MYO1D: variants seen among roughly 807,000 people sequenced by gnomAD.
MYO1D encodes the protein unconventional myosin-Id.
Under a neutral mutation model 122.0 loss-of-function variants are expected in MYO1D, and 83 were observed. The observed-to-expected ratio is 0.68, with a 90% CI of 0.57 to 0.82. MYO1D has a LOEUF of 0.82. MYO1D is among the 40% of genes least tolerant of loss of function. The pLI, the probability that MYO1D is intolerant of heterozygous loss-of-function variation, is 0.00. For missense variants in MYO1D, 1,157 were observed against 1,269.5 expected (o/e 0.91, Z 1.35); for synonymous variants, 464 against 446.9 (o/e 1.04, Z -0.48).
intron 6 of MYO1D, among the ~76,000 whole-genome samples, chr17:32,770,338 T>C (rs1230331597): frequency 1.3e-5 from 2 of 152,122 alleles, no homozygotes; most frequent in Non-Finnish European, 2.9e-5. Context: ...CAGTAAGTTT[T>C]TGATGTAGAA....
chr17:32,749,793 T>C (rs1396697805), intron 11 of MYO1D, among the ~76,000 whole-genome samples: 2 of 152,206 alleles, frequency 1.3e-5, no homozygotes, highest in African/African-American at 2.4e-5. Flanking sequence ...CCCTGACTGA[T>C]AGAGTTTCTT....
At chr17:32,571,181 G>A (rs1306319445) in intron 21 of MYO1D, among the ~76,000 whole-genome samples, 1 of 152,162 alleles carries the variant, frequency 6.6e-6, no homozygotes, top group Non-Finnish European at 1.5e-5. Context: ...GGGGCTTGCT[G>A]GGCTAAGAGG....
intron 21 of MYO1D, among the ~76,000 whole-genome samples, chr17:32,578,673 C>T (rs533399165): frequency 2.6e-5 from 4 of 152,324 alleles, no homozygotes; most frequent in South Asian, 2.1e-4. Flanking sequence ...AATGCTTTTA[C>T]AAAAGGTGCT....
At position 32,791,126 on chromosome 17, in the gene MYO1D, G is replaced by T. The variant is rs141203177; in HGVS notation, c.96-10342C>A. Among the ~76,000 whole-genome samples, 3 of 152,276 alleles carry T rather than the reference G, an allele frequency of 2.0e-5. No homozygotes were observed. In the East Asian group the frequency reaches 5.8e-4, roughly 29 times the overall value. ...CACCTGTAATCCCAGCACTTTGGGA[G>T]ACTGAGGTGGGTGGATCACCTGAAG... is the stretch of plus-strand genomic sequence containing the variant. On this transcript the variant is annotated intron_variant, in intron 1 of 21. Transcript: ENST00000318217.
intron 21 of MYO1D, among the ~76,000 whole-genome samples, chr17:32,565,238 A>T (rs2087161622): frequency 6.6e-6 from 1 of 152,202 alleles, no homozygotes; most frequent in Non-Finnish European, 1.5e-5. Flanking sequence ...TTCTGACCTC[A>T]GGTGATCCTC....
intron 16 of MYO1D, among the ~76,000 whole-genome samples, chr17:32,710,969 G>A (rs894168214): frequency 3.0e-4 from 45 of 152,188 alleles, no homozygotes; most frequent in African/African-American, 9.2e-4. Flanking sequence ...TGTTGGCGGT[G>A]CAAACTGGCT....
At chr17:32,553,089 A>AC (rs1302473257) in intron 21 of MYO1D, among the ~76,000 whole-genome samples, 4 of 133,950 alleles carry the variant, frequency 3.0e-5, no homozygotes, top group African/African-American at 3.3e-5. Context: ...AAAAAAAAAA[A>AC]ACAAAAAACA....
chr17:32,665,388 G>A (rs2088623309), intron 16 of MYO1D, among the ~76,000 whole-genome samples: 1 of 152,152 alleles, frequency 6.6e-6, no homozygotes, highest in Admixed American at 6.5e-5. Context: ...GCTCACTGAT[G>A]TATTTCCACT....
At chr17:32,547,658 C>T (rs1343740332) in intron 21 of MYO1D, among the ~76,000 whole-genome samples, 1 of 152,166 alleles carries the variant, frequency 6.6e-6, no homozygotes, top group Non-Finnish European at 1.5e-5. Context: ...AGAGAATTCA[C>T]TATAGTAGCT....
chr17:32,617,401 C>G (rs902702523), intron 20 of MYO1D, among the ~76,000 whole-genome samples: 1 of 152,112 alleles, frequency 6.6e-6, no homozygotes, highest in Admixed American at 6.5e-5. Context: ...CAGCTAAGGC[C>G]TCAGATACTG....
chr17:32,675,266 G>C (rs972988791), intron 16 of MYO1D, among the ~76,000 whole-genome samples: 3 of 152,164 alleles, frequency 2.0e-5, no homozygotes, highest in Non-Finnish European at 4.4e-5. Context: ...CACTGTTATA[G>C]AGAAAAACCT....
chr17:32,661,389 A>C (rs2088562549), intron 16 of MYO1D, among the ~76,000 whole-genome samples: 1 of 152,172 alleles, frequency 6.6e-6, no homozygotes, highest in African/African-American at 2.4e-5. Context: ...GTGGTGGCTC[A>C]TGCCTATAAT....
At chr17:32,504,305 G>A (rs1392999512) in intron 21 of MYO1D, among the ~76,000 whole-genome samples, 1 of 152,146 alleles carries the variant, frequency 6.6e-6, no homozygotes, top group Non-Finnish European at 1.5e-5. Context: ...CTCCCCCATG[G>A]CACTCTCCTC....
intron 21 of MYO1D, among the ~76,000 whole-genome samples, chr17:32,577,881 G>A (rs1370939997): frequency 6.6e-6 from 1 of 152,058 alleles, no homozygotes; most frequent in Admixed American, 6.6e-5. Context: ...TGGGACTACA[G>A]GCACCCGCCA....
At chr17:32,866,184 T>C (rs1298251665) in intron 1 of MYO1D, among the ~76,000 whole-genome samples, 1 of 152,120 alleles carries the variant, frequency 6.6e-6, no homozygotes. Context: ...ACCTGGCTCC[T>C]CAGTAATGTC....
At chr17:32,505,202 C>T (rs1396444768) in intron 21 of MYO1D, 1 of 152,388 alleles carries the variant, frequency 6.6e-6, no homozygotes, top group African/African-American at 2.4e-5. Flanking sequence ...GAGGACCCTC[C>T]ACCATCGGCG....
chr17:32,772,517 T>A (rs2090124713), intron 5 of MYO1D, among the ~76,000 whole-genome samples: 1 of 152,222 alleles, frequency 6.6e-6, no homozygotes, highest in Admixed American at 6.5e-5. Flanking sequence ...TAAAGTGTTA[T>A]CTGTACTGCA....
intron 5 of MYO1D, among the ~76,000 whole-genome samples, chr17:32,772,171 T>A (rs1443613843): frequency 6.6e-6 from 1 of 152,210 alleles, no homozygotes; most frequent in Non-Finnish European, 1.5e-5. Context: ...AAACTTACAA[T>A]AATATATCAT....
At chr17:32,721,988 A>G (rs755395115) in intron 14 of MYO1D, among the ~76,000 whole-genome samples, 5 of 152,222 alleles carry the variant, frequency 3.3e-5, no homozygotes, top group Non-Finnish European at 5.9e-5. Context: ...TCAGACACAC[A>G]CAGATGCACT....
Sources: gnomAD v4.1 joint callset for allele counts (sites outside exome capture counted in the v4.1 genomes callset) on GRCh38, gnomAD v4.1.1 for gene constraint, MANE v1.5 for transcripts, NCBI Gene and HGNC (gene_info 2026-07-23, HGNC 2026-07-21) for gene names.